The following VNN1 variants were observed in gnomAD, a reference collection of about 807,000 sequenced individuals.
VNN1 encodes the protein vanin 1.
Under a neutral mutation model 41.9 loss-of-function variants are expected in VNN1, and 29 were observed. The observed-to-expected ratio is 0.69, with a 90% CI of 0.52 to 0.94. The LOEUF is 0.94. Ranked by LOEUF, VNN1 falls within the 40% of genes least tolerant of loss-of-function variation. The pLI is 0.00. For synonymous variants in VNN1, 233 were observed against 224.4 expected, an observed-to-expected ratio of 1.04 and a Z score of -0.34; for missense variants, 637 against 621.1, an observed-to-expected ratio of 1.03 and a Z score of -0.27.
At position 132,682,293 on chromosome 6, in the gene VNN1, G is replaced by C. The variant is rs1372559822; in HGVS notation, c.*847C>G. 1.3e-5 allele frequency: 2 copies of C among 152,266 alleles called. No homozygotes were observed. Among genetic ancestry groups the C allele is most frequent in the African/African-American group, 4.8e-5 (2 of 41,446 alleles). 9.4% of individuals were successfully genotyped at this position (152,266 alleles called of 1,614,324 possible). ...TTTGTTGAAGCTTCAGATTACAGTA[G>C]AAAACAGTAGTGGTGGGGAGAGGAA... On this transcript the variant is annotated 3_prime_UTR_variant, in exon 7 of 7. Coordinates refer to ENST00000367928, the MANE Select transcript of VNN1 (RefSeq NM_004666.3).
At chr6:132,700,155 A>G (rs1012516085) in intron 2 of VNN1, among the ~76,000 whole-genome samples, 6 of 152,306 alleles carry the variant, frequency 3.9e-5, no homozygotes, top group Middle Eastern at 3.4e-3. Context: ...AAAAAGTAAG[A>G]TATGGCAGAT....
chr6:132,698,691 T>G (rs1206770027), intron 2 of VNN1: 1 of 153,798 alleles, frequency 6.5e-6, no homozygotes, highest in Non-Finnish European at 1.5e-5. Flanking sequence ...CTGTTTGCTT[T>G]GTTTCCTAGG....
Position 132,694,178 on chromosome 6 carries a change from C to T in VNN1, c.346G>A (p.Gly116Ser). 1 of 1,582,040 alleles carries T rather than the reference C, an allele frequency of 6.3e-7. No individual in the cohort carries two copies. Among genetic ancestry groups the T allele is most frequent in the Non-Finnish European group, 8.6e-7 (1 of 1,165,884 alleles). The change falls in exon 3 of 7, where the codon GGC becomes AGC. Residue 116 changes from glycine to serine, a missense_variant. Physicochemically the swap from Gly to Ser is moderately conservative, Grantham distance 56. Transcript: ENST00000367928. ...AGTCTTTCTTGTACTGGGGTCTGGC[C>T]AAATCTGATACATGTTTATTGGAGG... ...WIPCNNRNRF[G>S]QTPVQERLSC...
chr6:132,686,156 G>A (rs1474023557), intron 5 of VNN1, among the ~76,000 whole-genome samples: 1 of 152,128 alleles, frequency 6.6e-6, no homozygotes, highest in African/African-American at 2.4e-5. Context: ...TAAAAAAAAT[G>A]TTTATCTGGG....
At chr6:132,707,393 A>G (rs1778534718) in intron 2 of VNN1, among the ~76,000 whole-genome samples, 1 of 152,206 alleles carries the variant, frequency 6.6e-6, no homozygotes, top group South Asian at 2.1e-4. Flanking sequence ...AAGGTTTCTC[A>G]AAAAACTAAA....
rs568056192 is a variant in VNN1, at chr6:132,713,923, T to C, written c.113A>G (p.Asn38Ser). 2.4e-5 allele frequency: 38 copies of C among 1,614,146 alleles called. 1 individual carries two copies. In the East Asian group the frequency reaches 8.2e-4, roughly 35 times the overall value. ...AVYEHAAILP[N>S]ATLTPVSREE... ...ACGAGACACTGGTGTTAGGGTGGCA[T>C]TGGGCAATATCGCTGCATGCTCATA... Residue 38 changes from asparagine to serine, a missense_variant, in exon 1 of 7, where the codon AAT (asparagine) becomes AGT (serine). Physicochemically the swap from Asn to Ser is conservative, Grantham distance 46. Transcript: ENST00000367928.
At chr6:132,704,054 A>C (rs1440571923) in intron 2 of VNN1, among the ~76,000 whole-genome samples, 1 of 152,174 alleles carries the variant, frequency 6.6e-6, no homozygotes, top group Non-Finnish European at 1.5e-5. Context: ...ACACAGATAT[A>C]TAAAGGACAT....
rs935549550 is a variant in VNN1, at chr6:132,694,279, T to C, written c.342-97A>G. On this transcript the variant is annotated intron_variant, in intron 2 of 6. Coordinates refer to ENST00000367928, the MANE Select transcript of VNN1 (RefSeq NM_004666.3). ...AGTTGCCTAAACCTATTATTTGATA[T>C]ATGCAAAAGTAAATTCTAAATAACA... The C allele has an allele frequency of 3.4e-6, 4 of 1,160,416 alleles. No homozygotes were observed. The African/African-American group carries it at 4.7e-5, about 14-fold the overall frequency. 71.9% of individuals were successfully genotyped at this position (1,160,416 alleles called of 1,614,324 possible).
intron 5 of VNN1, among the ~76,000 whole-genome samples, chr6:132,688,448 C>T (rs73559738): frequency 0.028 from 4,230 of 152,130 alleles, 195 homozygotes; most frequent in African/African-American, 0.097. Flanking sequence ...CTTGGTTTTA[C>T]TTGACAAAGC....
At chr6:132,707,555 A>C (rs542103146) in intron 2 of VNN1, among the ~76,000 whole-genome samples, 1 of 152,374 alleles carries the variant, frequency 6.6e-6, no homozygotes, top group South Asian at 2.1e-4. Context: ...TGGTACATGT[A>C]CACAATAAAG....
Position 132,694,079 on chromosome 6 carries a change from C to T in VNN1, c.445G>A (p.Asp149Asn). The change falls in exon 3 of 7, where the codon GAT becomes AAT. Residue 149 changes from aspartate (D) to asparagine (N), a missense_variant. Coordinates refer to ENST00000367928, the MANE Select transcript of VNN1 (RefSeq NM_004666.3). The part of the protein sequence containing the change: ...IGDKKPCDTS[D>N]PQCPPDGRYQ... ...CGGCCATCAGGGGGACACTGAGGAT[C>T]ACTGGTATCGCATGGCTTCTTGTCC... 6.2e-7 allele frequency: 1 copy of T among 1,614,174 alleles called. No homozygotes were observed. The highest frequency in any genetic ancestry group is 8.5e-7 in the Non-Finnish European group (1 of 1,180,008).
At chr6:132,697,345 G>A (rs1323638169) in intron 2 of VNN1, among the ~76,000 whole-genome samples, 1 of 152,060 alleles carries the variant, frequency 6.6e-6, no homozygotes, top group East Asian at 1.9e-4. Context: ...GAGACTAAAT[G>A]CAGGGGATTC....
chr6:132,712,176 G>A (rs1308722411), intron 1 of VNN1, among the ~76,000 whole-genome samples: 1 of 145,472 alleles, frequency 6.9e-6, no homozygotes, highest in Non-Finnish European at 1.5e-5. Flanking sequence ...TTCAGATGGA[G>A]TTTCGCTCTG....
chr6:132,696,045 A>C (rs1778366713), intron 2 of VNN1, among the ~76,000 whole-genome samples: 1 of 152,228 alleles, frequency 6.6e-6, no homozygotes. Context: ...CCTACTAAAC[A>C]CAGACTTTAA....
At position 132,713,742 on chromosome 6, in the gene VNN1, C is replaced by A. The variant is rs145379570; in HGVS notation, c.210+84G>T. On this transcript the variant is annotated intron_variant, in intron 1 of 6. Transcript: ENST00000367928. ...ATACATATATCATCTAAAAGTGTAA[C>A]TGACCCTGACAGTGGCCCTGTCTCC... The A allele has an allele frequency of 3.0e-5, 43 of 1,431,494 alleles. 3 individuals carry two copies. In the South Asian group the frequency reaches 5.4e-4, roughly 18 times the overall value. The allele number at this position is 1,431,494 out of a possible 1,614,324, so 88.7% of individuals were successfully genotyped here.
chr6:132,699,701 A>G (rs3798797), intron 2 of VNN1: 7,256 of 153,952 alleles, frequency 0.047, 368 homozygotes, highest in South Asian at 0.14. Context: ...TATTCTCCAT[A>G]TACAGAAAAT....
chr6:132,701,911 A>G (rs1057459456), intron 2 of VNN1, among the ~76,000 whole-genome samples: 1 of 152,228 alleles, frequency 6.6e-6, no homozygotes, highest in African/African-American at 2.4e-5. Flanking sequence ...AACAGCAGAA[A>G]GCAACATGGC....
At position 132,706,835 on chromosome 6, in the gene VNN1, A is replaced by G. The variant is rs117619276; in HGVS notation, c.341+4874T>C. Among the ~76,000 whole-genome samples, 96 of 143,908 alleles carry G rather than the reference A, an allele frequency of 6.7e-4. No homozygotes were observed. In the East Asian group the frequency reaches 0.016, roughly 25 times the overall value. The allele number at this position is 143,908 out of a possible 152,430, so 94.4% of individuals were successfully genotyped here. A position where few individuals can be genotyped will look rare whatever the true frequency, so the allele number is the denominator to read the frequency against. On this transcript the variant is annotated intron_variant, in intron 2 of 6. Coordinates refer to ENST00000367928, the MANE Select transcript of VNN1 (RefSeq NM_004666.3). The stretch of plus-strand genomic sequence containing the variant: ...GAAAAAAAATCTAATAATCCAATCC[A>G]AAAATGGGCAAAAGATTTGAACAGA...
intron 2 of VNN1, among the ~76,000 whole-genome samples, chr6:132,704,960 A>G (rs892044357): frequency 6.6e-6 from 1 of 152,050 alleles, no homozygotes; most frequent in Non-Finnish European, 1.5e-5. Flanking sequence ...AGACACATAC[A>G]GCCTACCAAG....
Sources: gnomAD v4.1 joint callset for allele counts (sites outside exome capture counted in the v4.1 genomes callset) on GRCh38, gnomAD v4.1.1 for gene constraint, MANE v1.5 for transcripts, NCBI Gene and HGNC (gene_info 2026-07-23, HGNC 2026-07-21) for gene names.